HEPH: variants seen among roughly 807,000 people sequenced by gnomAD.
HEPH encodes the protein hephaestin.
A neutral mutation model predicts 80.8 loss-of-function variants in HEPH; 69 were observed. That is an observed-to-expected ratio of 0.85 (90% CI 0.70 to 1.04). HEPH has a LOEUF of 1.04. Ranked by LOEUF, HEPH falls within the 50% of genes least tolerant of loss-of-function variation. The pLI is 0.00. For missense variants in HEPH, 1,115 were observed against 891.3 expected (o/e 1.25, Z -3.20); for synonymous variants, 431 against 322.8 (o/e 1.34, Z -3.60).
At chrX:66,265,886 A>T (rs1048198587) in intron 20 of HEPH, among the ~76,000 whole-genome samples, 1 of 111,911 alleles carries the variant, frequency 8.9e-6, no homozygotes, top group South Asian at 3.7e-4. Context: ...ATTGGGAATC[A>T]TCAAAAGTGT....
chrX:66,205,857 T>C (rs2088741974), intron 13 of HEPH, among the ~76,000 whole-genome samples: 1 of 111,095 alleles, frequency 9.0e-6, no homozygotes, highest in African/African-American at 3.3e-5. Context: ...TGAACCTGGG[T>C]ATACTCATCT....
intron 4 of HEPH, among the ~76,000 whole-genome samples, chrX:66,181,924 C>A (rs1352078798): frequency 2.7e-5 from 3 of 109,783 alleles, no homozygotes; most frequent in Non-Finnish European, 5.7e-5. Context: ...ATATGGCTAG[C>A]CAGTTTTCAC....
chrX:66,255,660 C>T (rs1274136932), intron 16 of HEPH, among the ~76,000 whole-genome samples: 1 of 111,589 alleles, frequency 9.0e-6, no homozygotes, highest in Admixed American at 9.5e-5. Context: ...ATTTAAGATA[C>T]ATTTCCCACC....
chrX:66,231,261 C>T (rs1278934628), intron 15 of HEPH, among the ~76,000 whole-genome samples: 4 of 108,915 alleles, frequency 3.7e-5, no homozygotes, highest in South Asian at 4.0e-4. Context: ...GTGATGCGGG[C>T]TCTTTTTTGG....
intron 18 of HEPH, 33 bp from the exon 19 acceptor site, chrX:66,260,067 C>T: frequency 8.4e-7 from 1 of 1,185,431 alleles, no homozygotes; most frequent in Non-Finnish European, 1.1e-6. Context: ...ATACCCTTCA[C>T]TTCCTCTCCC....
At chrX:66,187,669 G>A (rs2087541355) in intron 4 of HEPH, among the ~76,000 whole-genome samples, 1 of 110,913 alleles carries the variant, frequency 9.0e-6, no homozygotes, top group Non-Finnish European at 1.9e-5. Flanking sequence ...TGCAGGAGCA[G>A]TCCATTTCCT....
rs143183680 is a variant in HEPH, at chrX:66,189,910, T to C, written c.1035T>C (p.Ile345=). ...MVPWEPGTWL[I]SCQVNSHFRD... ...CCTGGGAACCTGGTACCTGGTTAAT[T>C]AGCTGCCAAGTGAACAGTCACTTTC... is the stretch of plus-strand genomic sequence containing the variant. The change falls in exon 6 of 21, where the codon ATT becomes ATC. Residue 345 remains isoleucine, a synonymous_variant. Coordinates refer to ENST00000343002, the MANE Select transcript of HEPH (RefSeq NM_001367233.3). The C allele has an allele frequency of 1.2e-4, 148 of 1,184,844 alleles. No individual in the cohort carries two copies. In the African/African-American group the frequency reaches 2.4e-3, roughly 20 times the overall value.
chrX:66,248,471 T>A (rs1216016017), intron 15 of HEPH, among the ~76,000 whole-genome samples: 1 of 111,647 alleles, frequency 9.0e-6, no homozygotes, highest in Non-Finnish European at 1.9e-5. Flanking sequence ...TTATTTTACT[T>A]AATAAAGGCC....
intron 15 of HEPH, among the ~76,000 whole-genome samples, chrX:66,225,241 A>T (rs1227029548): frequency 9.0e-6 from 1 of 111,149 alleles, no homozygotes; most frequent in Non-Finnish European, 1.9e-5. Flanking sequence ...CTTTCTTGAA[A>T]TTTTTCAACA....
Position 66,197,864 on chromosome X carries a change from G to A in HEPH, c.1683G>A (p.Arg561=). ...TGGTGGGCCCGCTGCTGGTGTGCAGGGCTGGTGCCTTGGGTGCAGATGGCA... is the reference window on the plus strand; with the variant it reads ...TGGTGGGCCCGCTGCTGGTGTGCAGAGCTGGTGCCTTGGGTGCAGATGGCA... ...SGLVGPLLVC[R]AGALGADGKQ... Residue 561 remains arginine, a synonymous_variant, in exon 10 of 21, where the codon AGG becomes AGA. Coordinates refer to ENST00000343002, the MANE Select transcript of HEPH (RefSeq NM_001367233.3). 2 of 1,205,133 alleles carry A rather than the reference G, an allele frequency of 1.7e-6. No homozygotes were observed. Among genetic ancestry groups the A allele is most frequent in the Non-Finnish European group, 1.1e-6 (1 of 892,066 alleles).
chrX:66,172,296 G>T lies in HEPH; in HGVS notation c.168-59G>T. The T allele has an allele frequency of 8.1e-6, 9 of 1,112,078 alleles. No individual in the cohort carries two copies. The South Asian group carries it at 1.4e-4, about 18-fold the overall frequency. The allele number at this position is 1,112,078 out of a possible 1,213,427, so 91.6% of individuals were successfully genotyped here. A position where few individuals can be genotyped will look rare whatever the true frequency, so the allele number is the denominator to read the frequency against. On this transcript the variant is annotated intron_variant, in intron 2 of 20. Coordinates refer to ENST00000343002, the MANE Select transcript of HEPH (RefSeq NM_001367233.3). Reference sequence around the variant, plus strand: ...TTTTGGTCAGTATCCTCTGGAAAAGGAACCTCTCAAGGCTTGAAGATGGGG... The same window carrying T: ...TTTTGGTCAGTATCCTCTGGAAAAGTAACCTCTCAAGGCTTGAAGATGGGG...
intron 7 of HEPH, among the ~76,000 whole-genome samples, chrX:66,192,771 C>A (rs2087877149): frequency 9.0e-6 from 1 of 111,709 alleles, no homozygotes; most frequent in Non-Finnish European, 1.9e-5. Context: ...TTTTGGCTAT[C>A]ACATGCCCAT....
Position 66,197,695 on chromosome X carries a change from C to G in HEPH, c.1514C>G (p.Pro505Arg). 1 of 1,209,522 alleles carries G rather than the reference C, an allele frequency of 8.3e-7. No individual in the cohort carries two copies. Among genetic ancestry groups the G allele is most frequent in the Non-Finnish European group, 1.1e-6 (1 of 893,368 alleles). The change falls in exon 10 of 21, where the codon CCT becomes CGT. Residue 505 changes from proline (P) to arginine (R), a missense_variant. By Grantham distance (103) the Pro-to-Arg change is moderately radical. This residue lies in a region of HEPH where 716 missense variants were observed against 523.5 expected (regional missense o/e 1.37). Transcript: ENST00000343002. ...ATTTTCACTACAGGCTCATCTTACCCTGGCTTGGTTGCCAAGCCCTTTGAG... is the reference window on the plus strand; with the variant it reads ...ATTTTCACTACAGGCTCATCTTACCGTGGCTTGGTTGCCAAGCCCTTTGAG... ...GTVYNDGSSY[P>R]GLVAKPFEKV...
chrX:66,258,729 G>A lies in HEPH; in HGVS notation c.2897-111G>A, dbSNP rs73215285. 2.3e-3 allele frequency: 1,227 copies of A among 541,522 alleles called. 3 individuals carry two copies. The highest frequency in any genetic ancestry group is 3.2e-3 in the Non-Finnish European group (1,165 of 362,641). The allele number at this position is 541,522 out of a possible 1,213,427, so 44.6% of individuals were successfully genotyped here. On this transcript the variant is annotated intron_variant, in intron 17 of 20. Coordinates refer to ENST00000343002, the MANE Select transcript of HEPH (RefSeq NM_001367233.3). ...AGATGAGACAAATTAGAAGCCCATT[G>A]CTATCTTCGGTAAAAAAGATTAGGC...
rs759445634 is a variant in HEPH, at chrX:66,256,175, G to C, written c.2741G>C (p.Arg914Pro). Residue 914 changes from arginine to proline, a missense_variant, in exon 17 of 21, where the codon CGG (arginine) becomes CCG (proline). This residue lies in a region of HEPH where 716 missense variants were observed against 523.5 expected (regional missense o/e 1.37). Coordinates refer to ENST00000343002, the MANE Select transcript of HEPH (RefSeq NM_001367233.3). ...QKGILEPHGG[R>P]SDMDREFALL... ...GGCATCCTGGAGCCCCATGGAGGACGGAGTGACATGGATCGGGAATTTGCA... is the reference window on the plus strand; with the variant it reads ...GGCATCCTGGAGCCCCATGGAGGACCGAGTGACATGGATCGGGAATTTGCA... The C allele has an allele frequency of 8.3e-7, 1 of 1,209,740 alleles. No homozygotes were observed. Among genetic ancestry groups the C allele is most frequent in the Non-Finnish European group, 1.1e-6 (1 of 894,759 alleles).
At chrX:66,230,110 A>C (rs1165984141) in intron 15 of HEPH, among the ~76,000 whole-genome samples, 2 of 97,670 alleles carry the variant, frequency 2.0e-5, no homozygotes, top group Non-Finnish European at 4.1e-5. Flanking sequence ...TGAACTCATC[A>C]TTTTTTATGG....
chrX:66,170,762 T>C, intron 2 of HEPH, 25 bp downstream of exon 2: 1 of 1,180,052 alleles, frequency 8.5e-7, no homozygotes, highest in Admixed American at 2.2e-5. Flanking sequence ...TTGTGGTATT[T>C]GAGGGGAAGT....
At chrX:66,207,115 A>T in intron 13 of HEPH, 80 bp from the exon 14 acceptor site, 4 of 890,624 alleles carry the variant, frequency 4.5e-6, no homozygotes, top group Non-Finnish European at 4.6e-6. Flanking sequence ...GCTGGTTCTG[A>T]CTTAGCTTCC....
chrX:66,230,026 T>G (rs1173209997), intron 15 of HEPH, among the ~76,000 whole-genome samples: 1 of 100,837 alleles, frequency 9.9e-6, no homozygotes, highest in African/African-American at 3.7e-5. Flanking sequence ...ATATGTGGTG[T>G]TTGGTTTTTT....
Sources: gnomAD v4.1 joint callset for allele counts (sites outside exome capture counted in the v4.1 genomes callset) on GRCh38, gnomAD v4.1.1 for gene constraint, gnomAD v4.1.1 regional missense constraint, MANE v1.5 for transcripts, NCBI Gene and HGNC (gene_info 2026-07-23, HGNC 2026-07-21) for gene names.